APLF: variants seen among roughly 807,000 people sequenced by gnomAD.
APLF encodes the protein aprataxin and PNK-like factor.
Under a neutral mutation model 55.6 loss-of-function variants are expected in APLF, and 61 were observed. The ratio of observed to expected loss-of-function variants is 1.10; its 90% CI spans 0.89 to 1.36. The LOEUF (loss-of-function observed/expected upper bound fraction) is 1.36. Ranked by LOEUF, APLF falls within the 40% of genes most tolerant of loss-of-function variation. APLF has a pLI of 0.00. For missense variants in APLF, 611 were observed against 602.5 expected, an observed-to-expected ratio of 1.01 and a Z score of -0.15; for synonymous variants, 207 against 214.8, an observed-to-expected ratio of 0.96 and a Z score of 0.32.
At chr2:68,568,389 TC>T in intron 9 of APLF, 4 of 860,502 alleles carry the variant, frequency 4.6e-6, no homozygotes, top group Non-Finnish European at 5.6e-6. Flanking sequence ...GTAAGGGAAT[TC>T]CATTTGACAT....
chr2:68,509,455 A>C (rs1207221671), intron 3 of APLF, among the ~76,000 whole-genome samples: 1 of 152,176 alleles, frequency 6.6e-6, no homozygotes, highest in Non-Finnish European at 1.5e-5. Flanking sequence ...CAGCCAACAG[A>C]CACATGAAAA....
intron 8 of APLF, among the ~76,000 whole-genome samples, chr2:68,553,717 T>A (rs1326184750): frequency 6.6e-6 from 1 of 151,960 alleles, no homozygotes; most frequent in African/African-American, 2.4e-5. Context: ...CAAAGTAGAG[T>A]TGTGATAAGC....
chr2:68,534,371 G>T (rs1043247445), intron 6 of APLF, among the ~76,000 whole-genome samples: 5 of 152,126 alleles, frequency 3.3e-5, no homozygotes, highest in Admixed American at 6.5e-5. Context: ...ATTGAGACAG[G>T]ACTTTTAAGG....
chr2:68,490,309 T>C, intron 2 of APLF, 48 bp downstream of exon 2: 1 of 1,529,810 alleles, frequency 6.5e-7, no homozygotes, highest in Non-Finnish European at 9.0e-7. Context: ...TCTTACCCTT[T>C]CAGTTCCCAA....
intron 8 of APLF, among the ~76,000 whole-genome samples, chr2:68,554,918 C>T (rs1416344553): frequency 6.6e-6 from 1 of 151,998 alleles, no homozygotes; most frequent in Non-Finnish European, 1.5e-5. Context: ...TGCGATAAGG[C>T]CATAGTCACC....
intron 9 of APLF, among the ~76,000 whole-genome samples, chr2:68,572,341 C>T (rs1671493212): frequency 6.6e-6 from 1 of 151,924 alleles, no homozygotes; most frequent in Admixed American, 6.6e-5. Flanking sequence ...AATGTTTGTT[C>T]TTGTAGATAT....
At chr2:68,558,615 A>G (rs893811970) in intron 8 of APLF, among the ~76,000 whole-genome samples, 1 of 152,144 alleles carries the variant, frequency 6.6e-6, no homozygotes, top group South Asian at 2.1e-4. Flanking sequence ...CTTATGTAAA[A>G]CAGTTCTGTT....
At position 68,482,817 on chromosome 2, in the gene APLF, T is replaced by G. The variant is rs929018203; in HGVS notation, c.97-7373T>G. 5.9e-5 allele frequency among the ~76,000 whole-genome samples: 9 copies of G among 152,212 alleles called. No homozygotes were observed. In the South Asian group the frequency reaches 1.5e-3, roughly 25 times the overall value. ...TAGGCCAGTTTGGTGGCATGCCCAC[T>G]GGGGGTGGTCTGCTGTTTCTCTGGC... On this transcript the variant is annotated intron_variant, in intron 1 of 9. Coordinates refer to ENST00000303795, the MANE Select transcript of APLF (RefSeq NM_173545.3).
intron 6 of APLF, among the ~76,000 whole-genome samples, chr2:68,532,281 T>C (rs771993480): frequency 2.6e-5 from 4 of 152,208 alleles, no homozygotes; most frequent in Non-Finnish European, 4.4e-5. Flanking sequence ...TGGCCAGGCC[T>C]ACATTTGGAT....
At chr2:68,476,476 C>CA (rs768968249) in intron 1 of APLF, among the ~76,000 whole-genome samples, 19,583 of 76,146 alleles carry the variant, frequency 0.26, 2,131 homozygotes, top group Non-Finnish European at 0.36. Context: ...GAGTGAGACT[C>CA]AAAAAAAAAA....
intron 1 of APLF, among the ~76,000 whole-genome samples, chr2:68,483,629 T>C (rs1025843983): frequency 1.3e-5 from 2 of 152,182 alleles, no homozygotes; most frequent in East Asian, 3.8e-4. Flanking sequence ...AAGTATAAAG[T>C]ATTATATAAT....
chr2:68,571,951 A>G lies in APLF; in HGVS notation c.1333+4564A>G, dbSNP rs143486602. On this transcript the variant is annotated intron_variant, in intron 9 of 9. Transcript: ENST00000303795. ...ATTATTATGTGATATGTATTATTCT[A>G]GGTGATTGATACCATTTGTGAAAAT... 9.0e-3 allele frequency among the ~76,000 whole-genome samples: 1,367 copies of G among 152,268 alleles called. 20 individuals are homozygous for G. Among genetic ancestry groups the G allele is most frequent in the African/African-American group, 0.031 (1,297 of 41,550 alleles).
chr2:68,487,511 G>T (rs1010319719), intron 1 of APLF, among the ~76,000 whole-genome samples: 6 of 152,052 alleles, frequency 3.9e-5, no homozygotes, highest in Non-Finnish European at 7.4e-5. Context: ...CAGATTTTGT[G>T]AAGACTGAAA....
chr2:68,476,476 CAAAA>C (rs768968249), intron 1 of APLF, among the ~76,000 whole-genome samples: 15 of 76,500 alleles, frequency 2.0e-4, no homozygotes, highest in Non-Finnish European at 3.9e-4. Flanking sequence ...GAGTGAGACT[CAAAA>C]AAAAAAAAAA....
chr2:68,578,822 G>A lies in APLF; in HGVS notation c.*800G>A, dbSNP rs907903416. 5 of 985,042 alleles carry A rather than the reference G, an allele frequency of 5.1e-6. No individual in the cohort carries two copies. The African/African-American group carries it at 7.0e-5, about 14-fold the overall frequency. The allele number at this position is 985,042 out of a possible 1,614,324, so 61.0% of individuals were successfully genotyped here. A position where few individuals can be genotyped will look rare whatever the true frequency, so the allele number is the denominator to read the frequency against. ...CTCAAATGGCATTAGTTTTGCCTTA[G>A]TTTTTTTGACCTCAGATGAAAGTAG... On this transcript the variant is annotated 3_prime_UTR_variant, in exon 10 of 10. Transcript: ENST00000303795.
chr2:68,479,618 A>G (rs1675887731), intron 1 of APLF, among the ~76,000 whole-genome samples: 1 of 152,212 alleles, frequency 6.6e-6, no homozygotes, highest in Admixed American at 6.5e-5. Flanking sequence ...TTTATTCAAG[A>G]CTGCTTTTCT....
At position 68,578,233 on chromosome 2, in the gene APLF, T is replaced by C; in HGVS notation, c.*211T>C. 2 of 1,300,422 alleles carry C rather than the reference T, an allele frequency of 1.5e-6. No homozygotes were observed. The highest frequency in any genetic ancestry group is 2.0e-6 in the Non-Finnish European group (2 of 1,022,228). The allele number at this position is 1,300,422 out of a possible 1,614,324, so 80.6% of individuals were successfully genotyped here. Reference sequence around the variant, plus strand: ...TGTTGCCTTGCCTTTTCTTTCCTACTTAAAGCATCTGGAAATAGGAAGACA... The same window carrying C: ...TGTTGCCTTGCCTTTTCTTTCCTACCTAAAGCATCTGGAAATAGGAAGACA... On this transcript the variant is annotated 3_prime_UTR_variant, in exon 10 of 10. Transcript: ENST00000303795.
Position 68,526,193 on chromosome 2 carries a change from G to A in APLF, c.755G>A (p.Gly252Glu). 2 of 1,613,446 alleles carry A rather than the reference G, an allele frequency of 1.2e-6. No individual in the cohort carries two copies. The highest frequency in any genetic ancestry group is 1.1e-5 in the South Asian group (1 of 90,842). The change falls in exon 6 of 10, where the codon GGA becomes GAA. Residue 252 changes from glycine (G) to glutamate (E), a missense_variant. Transcript: ENST00000303795. ...AATACATCAGCAGAACAAGACACAG[G>A]AGAAGAGTGCAAAAATACTGATCAG... Reference protein sequence around the residue: ...SENTSAEQDTGEECKNTDQEE... With the variant: ...SENTSAEQDTEEECKNTDQEE...
At chr2:68,532,502 C>T (rs1328953904) in intron 6 of APLF, among the ~76,000 whole-genome samples, 1 of 152,182 alleles carries the variant, frequency 6.6e-6, no homozygotes, top group Non-Finnish European at 1.5e-5. Flanking sequence ...TCATTGAACA[C>T]CTCAGAGGAA....
Sources: allele counts gnomAD v4.1 joint callset (sites outside exome capture counted in the v4.1 genomes callset), GRCh38; gene constraint gnomAD v4.1.1; transcripts MANE v1.5; gene names NCBI Gene and HGNC (gene_info 2026-07-23, HGNC 2026-07-21).